The following ABI1 variants were observed in gnomAD, a reference collection of about 807,000 sequenced individuals.
ABI1 encodes the protein Abelson interactor 1.
ABI1 carries 14 observed loss-of-function variants against 54.6 expected under a neutral mutation model. That is an observed-to-expected ratio of 0.26 (90% CI 0.17 to 0.40). The LOEUF is 0.40. ABI1 is among the 10% of genes least tolerant of loss of function. The pLI is 1.00. For synonymous variants in ABI1, 194 were observed against 209.3 expected, an observed-to-expected ratio of 0.93 and a Z score of 0.63; for missense variants, 443 against 598.3, an observed-to-expected ratio of 0.74 and a Z score of 2.71.
chr10:26,806,426 T>C (rs2046880376), intron 2 of ABI1, among the ~76,000 whole-genome samples: 1 of 152,170 alleles, frequency 6.6e-6, no homozygotes, highest in South Asian at 2.1e-4. Context: ...ACTGTTTGGA[T>C]GTTTACAGGC....
At position 26,777,190 on chromosome 10, in the gene ABI1, T is replaced by C; in HGVS notation, c.337A>G (p.Thr113Ala). The C allele has an allele frequency of 1.2e-6, 2 of 1,613,290 alleles. No homozygotes were observed. The highest frequency in any genetic ancestry group is 1.7e-6 in the Non-Finnish European group (2 of 1,179,738). The change falls in exon 3 of 11, where the codon ACA becomes GCA. Residue 113 changes from threonine (T) to alanine (A), a missense_variant. By Grantham distance (58) the Thr-to-Ala change is moderately conservative. Transcript: ENST00000376140. ...GTTCTTGATGTATTCTTATTTGTTG[T>C]CAAAATACCAATCTCTCTTCGTGCC... ...KVARREIGILTTNKNTSRTHK... is the reference protein window; with the variant it reads ...KVARREIGILATNKNTSRTHK...
intron 7 of ABI1, among the ~76,000 whole-genome samples, chr10:26,761,956 T>A (rs545795868): frequency 6.6e-6 from 1 of 152,174 alleles, no homozygotes; most frequent in African/African-American, 2.4e-5. Flanking sequence ...AATTCCTGAA[T>A]CTCTAGGACA....
chr10:26,858,826 C>T (rs1213124588), intron 1 of ABI1, among the ~76,000 whole-genome samples: 2 of 152,088 alleles, frequency 1.3e-5, no homozygotes, highest in African/African-American at 4.8e-5. Flanking sequence ...CAGTTGCCAA[C>T]ACATAGTTAC....
chr10:26,771,104 A>G lies in ABI1; in HGVS notation c.463-15T>C, dbSNP rs1840631506. The G allele has an allele frequency of 6.2e-7, 1 of 1,613,474 alleles. No homozygotes were observed. Among genetic ancestry groups the G allele is most frequent in the Non-Finnish European group, 8.5e-7 (1 of 1,179,674 alleles). On this transcript the variant is annotated splice_polypyrimidine_tract_variant and intron_variant, in intron 3 of 10. Transcript: ENST00000376140. Reference sequence around the variant, plus strand: ...GCTTTTAGCCACTTTACGTTGGCAAAAAAAGGGGGGGAAAAAGTAGACATT... The same window carrying G: ...GCTTTTAGCCACTTTACGTTGGCAAGAAAAGGGGGGGAAAAAGTAGACATT...
At chr10:26,830,429 C>A (rs2048589967) in intron 1 of ABI1, among the ~76,000 whole-genome samples, 1 of 151,970 alleles carries the variant, frequency 6.6e-6, no homozygotes, top group African/African-American at 2.4e-5. Flanking sequence ...CGAGACCAGC[C>A]TGAGCAACAT....
intron 2 of ABI1, chr10:26,789,275 T>C (rs1281549707): frequency 6.6e-6 from 1 of 152,188 alleles, no homozygotes; most frequent in Non-Finnish European, 1.5e-5. Flanking sequence ...CCATGCTTGA[T>C]GCATCAGCAC....
intron 1 of ABI1, among the ~76,000 whole-genome samples, chr10:26,826,910 A>ATT (rs142627888): frequency 1.4e-5 from 2 of 144,332 alleles, no homozygotes; most frequent in Non-Finnish European, 3.1e-5. Context: ...GGCTAGTTTG[A>ATT]TTTTTTTTTT....
intron 1 of ABI1, among the ~76,000 whole-genome samples, chr10:26,834,030 G>A (rs2048859731): frequency 6.6e-6 from 1 of 152,076 alleles, no homozygotes; most frequent in African/African-American, 2.4e-5. Context: ...GGAGTTTTGA[G>A]ACCAGCCTGG....
rs397696005 is a variant in ABI1 at position 26,818,158 on chromosome 10, C to CA, written c.285+4979dup. Among the ~76,000 whole-genome samples, 43 of 45,440 alleles carry CA rather than the reference C, an allele frequency of 9.5e-4. 6 individuals are homozygous for CA. The highest frequency in any genetic ancestry group is 1.3e-3 in the South Asian group (2 of 1,598). 29.8% of individuals were successfully genotyped at this position (45,440 alleles called of 152,430 possible). ...TGGGAGACAGAGCAAGACTCCATCT[C>CA]AAAAAAAAAAAAAAAAAAAAAAAAA... On this transcript the variant is annotated intron_variant, in intron 2 of 10. Coordinates refer to ENST00000376140, the MANE Select transcript of ABI1 (RefSeq NM_001012750.3).
At chr10:26,771,353 T>A (rs1007073418) in intron 3 of ABI1, among the ~76,000 whole-genome samples, 46 of 152,338 alleles carry the variant, frequency 3.0e-4, no homozygotes, top group Middle Eastern at 3.4e-3. Context: ...AATGATTTTT[T>A]AAGTCAGTAT....
chr10:26,779,585 G>A (rs1841853808), intron 2 of ABI1, among the ~76,000 whole-genome samples: 1 of 152,216 alleles, frequency 6.6e-6, no homozygotes. Context: ...ATTGTAGGCA[G>A]AGCCAAACAA....
intron 1 of ABI1, among the ~76,000 whole-genome samples, chr10:26,838,735 C>T (rs950549574): frequency 2.2e-4 from 33 of 152,148 alleles, no homozygotes; most frequent in African/African-American, 7.7e-4. Flanking sequence ...TTCTGTGACA[C>T]ATAAACAAGA....
chr10:26,770,798 A>G (rs937486362), intron 4 of ABI1, among the ~76,000 whole-genome samples: 6 of 152,244 alleles, frequency 3.9e-5, no homozygotes, highest in Admixed American at 3.9e-4. Context: ...TTGTAAGTCA[A>G]TGAAAGCAAG....
At chr10:26,855,588 T>C (rs2050734875) in intron 1 of ABI1, among the ~76,000 whole-genome samples, 1 of 152,218 alleles carries the variant, frequency 6.6e-6, no homozygotes, top group Non-Finnish European at 1.5e-5. Context: ...ATGGAGTACG[T>C]ATTCAATAAA....
At chr10:26,791,638 T>C (rs1309285836) in intron 2 of ABI1, among the ~76,000 whole-genome samples, 3 of 152,034 alleles carry the variant, frequency 2.0e-5, no homozygotes, top group South Asian at 4.1e-4. Context: ...GTAAAGAAGA[T>C]AGTAGGGTTC....
intron 10 of ABI1, among the ~76,000 whole-genome samples, chr10:26,749,485 C>T (rs1050671724): frequency 2.8e-4 from 42 of 152,182 alleles, no homozygotes; most frequent in African/African-American, 8.9e-4. Context: ...ACACCTTATA[C>T]ACATAGTCTG....
intron 1 of ABI1, among the ~76,000 whole-genome samples, chr10:26,825,370 A>AT (rs913629390): frequency 1.3e-5 from 2 of 151,784 alleles, no homozygotes; most frequent in Non-Finnish European, 2.9e-5. Flanking sequence ...TGAAAAAAAA[A>AT]TTTTTTTTGG....
At chr10:26,771,001 A>G (rs1289180906) in intron 4 of ABI1, 74 bp downstream of exon 4, 5 of 1,514,644 alleles carry the variant, frequency 3.3e-6, no homozygotes, top group African/African-American at 1.4e-5. Flanking sequence ...AGAGTTTTCA[A>G]ATTTTAGTGG....
At chr10:26,798,646 C>G (rs985197419) in intron 2 of ABI1, among the ~76,000 whole-genome samples, 4 of 145,982 alleles carry the variant, frequency 2.7e-5, no homozygotes, top group Admixed American at 2.0e-4. Context: ...TTTGTTACAG[C>G]AACTATAGGA....
Sources: gnomAD v4.1 joint callset for allele counts (sites outside exome capture counted in the v4.1 genomes callset) on GRCh38, gnomAD v4.1.1 for gene constraint, MANE v1.5 for transcripts, NCBI Gene and HGNC (gene_info 2026-07-23, HGNC 2026-07-21) for gene names.